EPB41L5: variants seen among roughly 807,000 people sequenced by gnomAD.
EPB41L5 encodes the protein erythrocyte membrane protein band 4.1 like 5.
In EPB41L5, 55 loss-of-function variants were observed where a neutral mutation model predicts 106.6. The ratio of observed to expected loss-of-function variants is 0.52; its 90% CI spans 0.42 to 0.65. The LOEUF (loss-of-function observed/expected upper bound fraction) is 0.65. Ranked by LOEUF, EPB41L5 falls within the 30% of genes least tolerant of loss-of-function variation. The pLI is 0.00. For missense variants in EPB41L5, 871 were observed against 882.1 expected (o/e 0.99, Z 0.16); for synonymous variants, 297 against 306.7 (o/e 0.97, Z 0.33).
Position 120,090,599 on chromosome 2 carries a change from T to C in EPB41L5, c.1043+83T>C, listed in dbSNP as rs1029170644. 25 of 1,235,266 alleles carry C rather than the reference T, an allele frequency of 2.0e-5. No individual in the cohort carries two copies. The African/African-American group carries it at 2.3e-4, about 11-fold the overall frequency. The allele number at this position is 1,235,266 out of a possible 1,614,324, so 76.5% of individuals were successfully genotyped here. On this transcript the variant is annotated intron_variant, in intron 12 of 24. Transcript: ENST00000263713. ...GCCAATCTTCTCTTTTTTACAGATA[T>C]GGTAACTAAGGTATAGAGGAATAAG...
At chr2:120,065,350 G>A (rs1419009755) in intron 3 of EPB41L5, among the ~76,000 whole-genome samples, 3 of 151,804 alleles carry the variant, frequency 2.0e-5, no homozygotes, top group Non-Finnish European at 4.4e-5. Context: ...CAAACTCCTG[G>A]CCTCAAACGA....
intron 18 of EPB41L5, among the ~76,000 whole-genome samples, chr2:120,139,185 T>A (rs1686065834): frequency 6.6e-6 from 1 of 152,014 alleles, no homozygotes; most frequent in African/African-American, 2.4e-5. Flanking sequence ...TGAAAATGGA[T>A]TAAAGACTTA....
intron 13 of EPB41L5, among the ~76,000 whole-genome samples, chr2:120,092,327 T>A (rs1339647981): frequency 6.6e-6 from 1 of 152,170 alleles, no homozygotes; most frequent in Non-Finnish European, 1.5e-5. Flanking sequence ...GGCCAAAACA[T>A]TGTCTTGTGA....
At chr2:120,104,191 T>TC (rs1214058501) in intron 16 of EPB41L5, 29 of 1,535,916 alleles carry the variant, frequency 1.9e-5, no homozygotes, top group Non-Finnish European at 2.4e-5. Context: ...AATGCAGGAA[T>TC]CCGTCATGAT....
In EPB41L5 at chr2:120,177,169, G is replaced by C. The variant is rs1687949338; in HGVS notation, c.*2262G>C. ...TGTTCTGCTCCCCTGAGAACAGTGTGGTGGGGAGAGGCAGGGCTGAGGTGG... is the reference window on the plus strand; with the variant it reads ...TGTTCTGCTCCCCTGAGAACAGTGTCGTGGGGAGAGGCAGGGCTGAGGTGG... On this transcript the variant is annotated 3_prime_UTR_variant, in exon 25 of 25. Coordinates refer to ENST00000263713, the MANE Select transcript of EPB41L5 (RefSeq NM_020909.4). The C allele has an allele frequency of 6.6e-6, 1 of 152,374 alleles. No homozygotes were observed. Among genetic ancestry groups the C allele is most frequent in the Non-Finnish European group, 1.5e-5 (1 of 68,108 alleles). The allele number at this position is 152,374 out of a possible 1,614,324, so 9.4% of individuals were successfully genotyped here.
chr2:120,174,597 T>C (rs1196488091), intron 24 of EPB41L5, among the ~76,000 whole-genome samples: 1 of 152,204 alleles, frequency 6.6e-6, no homozygotes, highest in African/African-American at 2.4e-5. Flanking sequence ...GTGTTTAACA[T>C]ATTTGCTAAG....
chr2:120,126,894 A>C (rs1042058943), intron 16 of EPB41L5, among the ~76,000 whole-genome samples: 7 of 152,218 alleles, frequency 4.6e-5, no homozygotes, highest in African/African-American at 1.7e-4. Context: ...TAAGTGTTCC[A>C]ATCTGTGAAC....
intron 20 of EPB41L5, 107 bp downstream of exon 20, chr2:120,146,396 A>G: frequency 1.3e-6 from 1 of 768,300 alleles, no homozygotes. Flanking sequence ...TCTGAAAGAT[A>G]GCTTGAATTC....
In EPB41L5 at chr2:120,087,189, G is replaced by T. The variant is rs752895555; in HGVS notation, c.822G>T (p.Leu274Phe). The change falls in exon 11 of 25, where the codon TTG becomes TTT. Residue 274 changes from leucine (L) to phenylalanine (F), a missense_variant. Coordinates refer to ENST00000263713, the MANE Select transcript of EPB41L5 (RefSeq NM_020909.4). Reference sequence around the variant, plus strand: ...ATTATAGGCCGAAGATAACCAGATTGGATTTTAAGAAGAATAAATTAACCT... The same window carrying T: ...ATTATAGGCCGAAGATAACCAGATTTGATTTTAAGAAGAATAAATTAACCT... ...GLFFWPKITR[L>F]DFKKNKLTLV... is the part of the protein sequence containing the mutation. The T allele has an allele frequency of 1.1e-5, 18 of 1,586,776 alleles. No homozygotes were observed. The South Asian group carries it at 1.9e-4, about 17-fold the overall frequency.
intron 21 of EPB41L5, among the ~76,000 whole-genome samples, chr2:120,162,469 A>C (rs1687175587): frequency 1.3e-5 from 2 of 152,244 alleles, no homozygotes; most frequent in Admixed American, 6.5e-5. Context: ...TACTCAATGA[A>C]AGTGTATAGT....
chr2:120,043,794 G>A (rs1679583504), intron 3 of EPB41L5, among the ~76,000 whole-genome samples: 2 of 152,118 alleles, frequency 1.3e-5, no homozygotes, highest in Non-Finnish European at 2.9e-5. Context: ...AATTGATATG[G>A]AGTGGTAGAA....
chr2:120,156,363 C>T (rs1686900504), intron 20 of EPB41L5, among the ~76,000 whole-genome samples: 1 of 152,182 alleles, frequency 6.6e-6, no homozygotes, highest in Non-Finnish European at 1.5e-5. Flanking sequence ...CACGGCCATG[C>T]ACCAGCCTGC....
intron 16 of EPB41L5, among the ~76,000 whole-genome samples, chr2:120,110,860 C>T (rs1574691627): frequency 6.6e-6 from 1 of 151,772 alleles, no homozygotes; most frequent in African/African-American, 2.4e-5. Flanking sequence ...GGTCTCAAAC[C>T]CCTGGCCTCA....
intron 3 of EPB41L5, among the ~76,000 whole-genome samples, chr2:120,061,518 C>T (rs952303122): frequency 7.2e-5 from 11 of 151,898 alleles, no homozygotes; most frequent in African/African-American, 2.4e-4. Flanking sequence ...CCACCGCGCC[C>T]GGCCTTTTTT....
chr2:120,100,790 G>C lies in EPB41L5; in HGVS notation c.1313G>C (p.Gly438Ala), dbSNP rs556758283. 2 of 1,605,742 alleles carry C rather than the reference G, an allele frequency of 1.2e-6. No homozygotes were observed. The highest frequency in any genetic ancestry group is 4.5e-5 in the East Asian group (2 of 44,538). The change falls in exon 16 of 25, where the codon GGA (glycine) becomes GCA (alanine). Residue 438 changes from glycine (G) to alanine (A), a missense_variant. Gly to Ala is a moderately conservative substitution (Grantham distance 60, BLOSUM62 0). Coordinates refer to ENST00000263713, the MANE Select transcript of EPB41L5 (RefSeq NM_020909.4). Reference sequence around the variant, plus strand: ...ATAGAGAATCTTCCACAGAGTCCTGGAACAGACCAGCATGACAGGAAATGG... The same window carrying C: ...ATAGAGAATCTTCCACAGAGTCCTGCAACAGACCAGCATGACAGGAAATGG... Reference protein sequence around the residue: ...VEIENLPQSPGTDQHDRKCIP... With the variant: ...VEIENLPQSPATDQHDRKCIP...
intron 22 of EPB41L5, among the ~76,000 whole-genome samples, chr2:120,166,989 A>G (rs1048985283): frequency 6.6e-6 from 1 of 152,208 alleles, no homozygotes; most frequent in Non-Finnish European, 1.5e-5. Context: ...TCATGCATAC[A>G]TGATAATTAG....
chr2:120,123,683 G>A (rs1289812714), intron 16 of EPB41L5, among the ~76,000 whole-genome samples: 1 of 131,854 alleles, frequency 7.6e-6, no homozygotes, highest in Non-Finnish European at 1.6e-5. Flanking sequence ...TTGATACAGG[G>A]TCTCACTCCT....
At chr2:120,129,096 G>T (rs573711513) in intron 17 of EPB41L5, among the ~76,000 whole-genome samples, 5 of 152,176 alleles carry the variant, frequency 3.3e-5, no homozygotes, top group Non-Finnish European at 7.4e-5. Flanking sequence ...CTTTCTGGGA[G>T]ATGAGATCAG....
Position 120,075,482 on chromosome 2 carries a change from A to G in EPB41L5, c.414A>G (p.Leu138=), listed in dbSNP as rs372820024. 45 of 1,576,070 alleles carry G rather than the reference A, an allele frequency of 2.9e-5. No individual in the cohort carries two copies. Among genetic ancestry groups the G allele is most frequent in the Middle Eastern group, 3.3e-4 (2 of 5,984 alleles). Reference sequence around the variant, plus strand: ...TGCCTTTCATTTTTCTTAGGTATTTATTTGTTCTTCAGTTAAAACAAGATA... The same window carrying G: ...TGCCTTTCATTTTTCTTAGGTATTTGTTTGTTCTTCAGTTAAAACAAGATA... ...NNLREELTRY[L]FVLQLKQDIL... Residue 138 remains leucine (L), a synonymous_variant, in exon 6 of 25, where the codon TTA becomes TTG. Coordinates refer to ENST00000263713, the MANE Select transcript of EPB41L5 (RefSeq NM_020909.4).
Sources: gnomAD v4.1 joint callset for allele counts (sites outside exome capture counted in the v4.1 genomes callset) on GRCh38, gnomAD v4.1.1 for gene constraint, MANE v1.5 for transcripts, NCBI Gene and HGNC (gene_info 2026-07-23, HGNC 2026-07-21) for gene names.